Variants in CERKL observed in about 807,000 individuals in gnomAD.
CERKL encodes CERK like autophagy regulator, also known as ceramide kinase-like protein.
A neutral mutation model predicts 63.4 loss-of-function variants in CERKL; 61 were observed. The observed-to-expected ratio is 0.96, with a 90% confidence interval of 0.78 to 1.19. The LOEUF is 1.19. Ranked by LOEUF, CERKL falls within the 50% of genes most tolerant of loss-of-function variation. The pLI is 0.00. For synonymous variants in CERKL, 250 were observed against 230.5 expected, an observed-to-expected ratio of 1.08 and a Z score of -0.77; for missense variants, 675 against 655.5, an observed-to-expected ratio of 1.03 and a Z score of -0.33.
chr2:181,606,864 T>C (rs548539173), intron 1 of CERKL, among the ~76,000 whole-genome samples: 86 of 152,286 alleles, frequency 5.6e-4, no homozygotes, highest in Non-Finnish European at 1.0e-3. Flanking sequence ...TCTGTGTGTC[T>C]TTATAAAATG....
chr2:181,631,100 T>C (rs1686937231), intron 1 of CERKL, among the ~76,000 whole-genome samples: 1 of 152,130 alleles, frequency 6.6e-6, no homozygotes, highest in South Asian at 2.1e-4. Flanking sequence ...GGAGTACAAA[T>C]AAAGGTAACT....
intron 1 of CERKL, among the ~76,000 whole-genome samples, chr2:181,628,878 A>G (rs1686826482): frequency 6.6e-6 from 1 of 152,186 alleles, no homozygotes; most frequent in African/African-American, 2.4e-5. Flanking sequence ...CAGGATACAT[A>G]TAATTATGCT....
At chr2:181,621,764 A>C (rs1242170255) in intron 1 of CERKL, among the ~76,000 whole-genome samples, 1 of 152,234 alleles carries the variant, frequency 6.6e-6, no homozygotes, top group Non-Finnish European at 1.5e-5. Context: ...TGTAGCATGT[A>C]ATCAATGTAA....
At position 181,536,860 on chromosome 2, in the gene CERKL, C is replaced by T. The variant is rs11553355; in HGVS notation, c.*1324G>A. ...TCTGCCTTCATAAGAGAGCTGTGGC[C>T]GAATTTTGAACATCTGTTATAGGGA... is the stretch of plus-strand genomic sequence containing the variant. On this transcript the variant is annotated 3_prime_UTR_variant, in exon 13 of 13. Transcript: ENST00000410087. The T allele has an allele frequency of 0.018, 7,589 of 427,446 alleles. 98 individuals are homozygous for T. Among genetic ancestry groups the T allele is most frequent in the Non-Finnish European group, 0.028 (5,889 of 214,084 alleles). The allele number at this position is 427,446 out of a possible 1,614,324, so 26.5% of individuals were successfully genotyped here.
At chr2:181,575,531 C>G (rs1689096558) in intron 2 of CERKL, among the ~76,000 whole-genome samples, 1 of 152,044 alleles carries the variant, frequency 6.6e-6, no homozygotes, top group Non-Finnish European at 1.5e-5. Context: ...GTGGTTAATT[C>G]TTATTAGGGA....
At chr2:181,559,986 G>A (rs903097295) in intron 4 of CERKL, among the ~76,000 whole-genome samples, 8 of 152,216 alleles carry the variant, frequency 5.3e-5, no homozygotes, top group Non-Finnish European at 7.4e-5. Context: ...CCAGAGGTTC[G>A]CAATATGACC....
intron 11 of CERKL, among the ~76,000 whole-genome samples, chr2:181,541,596 AT>A (rs2105791815): frequency 6.6e-6 from 1 of 152,356 alleles, no homozygotes; most frequent in Non-Finnish European, 1.5e-5. Context: ...GAGAAATCCA[AT>A]GTGTGTCTTA....
intron 5 of CERKL, among the ~76,000 whole-genome samples, chr2:181,552,266 C>T (rs1416716551): frequency 6.6e-6 from 1 of 152,084 alleles, no homozygotes; most frequent in Non-Finnish European, 1.5e-5. Flanking sequence ...GGCTTTGTGT[C>T]CCTACCGAAA....
intron 1 of CERKL, among the ~76,000 whole-genome samples, chr2:181,648,417 G>C (rs73043025): frequency 0.042 from 6,357 of 151,956 alleles, 453 homozygotes; most frequent in African/African-American, 0.14. Context: ...AAAAAAAAAC[G>C]AGTCTCGGCC....
intron 11 of CERKL, among the ~76,000 whole-genome samples, chr2:181,541,919 A>C (rs1243793809): frequency 6.6e-6 from 1 of 152,206 alleles, no homozygotes; most frequent in Non-Finnish European, 1.5e-5. Flanking sequence ...GATGCCGGTG[A>C]ATTTCAGAAC....
intron 1 of CERKL, among the ~76,000 whole-genome samples, chr2:181,619,095 G>A: frequency 7.0e-6 from 1 of 143,016 alleles, no homozygotes; most frequent in Non-Finnish European, 1.5e-5. Context: ...CAATGTGATT[G>A]GCTTTCATCA....
chr2:181,550,073 A>AGGATCAACAGCAAAAG lies in CERKL; in HGVS notation c.821-366_821-365insCTTTTGCTGTTGATCC, dbSNP rs1204625837. ...GGTTTTTAGCTTCAATGCCAAAATG[A>AGGATCAACAGCAAAAG]GGTGCCTCTGGGGAGCAGTGACAAA... On this transcript the variant is annotated intron_variant, in intron 5 of 12. Coordinates refer to ENST00000410087, the MANE Select transcript of CERKL (RefSeq NM_201548.5). The surrounding 1 kb of genome is among the most constrained non-coding windows in gnomAD (Gnocchi z 4.5). Among the ~76,000 whole-genome samples, 37 of 152,272 alleles carry AGGATCAACAGCAAAAG rather than the reference A, an allele frequency of 2.4e-4. No individual in the cohort carries two copies. Among genetic ancestry groups the AGGATCAACAGCAAAAG allele is most frequent in the African/African-American group, 8.7e-4 (36 of 41,568 alleles).
intron 2 of CERKL, among the ~76,000 whole-genome samples, chr2:181,601,122 A>T (rs1245090391): frequency 6.6e-6 from 1 of 152,242 alleles, no homozygotes; most frequent in African/African-American, 2.4e-5. Flanking sequence ...AAATTAATGC[A>T]TAAATCAAAA....
chr2:181,656,966 T>G lies in CERKL; in HGVS notation c.41A>C (p.Glu14Ala), dbSNP rs372089851. ...RRRRNRVSAL[E>A]GGREEEAPPE... ...GGGCGCCTCTTCCTCCCGGCCGCCC[T>G]CCAGGGCACTCACCCGGTTCCTGCG... Residue 14 changes from glutamate (E) to alanine (A), a missense_variant, in exon 1 of 13, where the codon GAG (glutamate) becomes GCG (alanine). Transcript: ENST00000410087. The G allele has an allele frequency of 5.6e-5, 88 of 1,582,412 alleles. No homozygotes were observed. The African/African-American group carries it at 1.0e-3, about 18-fold the overall frequency.
chr2:181,552,352 G>C (rs965747421), intron 5 of CERKL, among the ~76,000 whole-genome samples: 1 of 152,108 alleles, frequency 6.6e-6, no homozygotes, highest in East Asian at 1.9e-4. Flanking sequence ...GAATCACGGG[G>C]GTGGTTTCCC....
At chr2:181,568,660 G>C (rs1233993236) in intron 3 of CERKL, among the ~76,000 whole-genome samples, 1 of 142,142 alleles carries the variant, frequency 7.0e-6, no homozygotes, top group Admixed American at 7.5e-5. Flanking sequence ...AATGCTCATT[G>C]GAGTATTTTC....
chr2:181,536,820 A>G lies in CERKL; in HGVS notation c.*1364T>C, dbSNP rs1687134688. The G allele has an allele frequency of 3.0e-6, 1 of 330,028 alleles. No homozygotes were observed. The highest frequency in any genetic ancestry group is 2.5e-5 in the South Asian group (1 of 39,548). 20.4% of individuals were successfully genotyped at this position (330,028 alleles called of 1,614,324 possible). On this transcript the variant is annotated 3_prime_UTR_variant, in exon 13 of 13. Coordinates refer to ENST00000410087, the MANE Select transcript of CERKL (RefSeq NM_201548.5). Reference sequence around the variant, plus strand: ...CTTATGATCTAGATAATTGCAGAATATCATTTTATCTGACTCTGCCTTCAT... The same window carrying G: ...CTTATGATCTAGATAATTGCAGAATGTCATTTTATCTGACTCTGCCTTCAT...
At chr2:181,566,028 T>C in intron 4 of CERKL, 30 bp downstream of exon 4, 1 of 1,399,618 alleles carries the variant, frequency 7.1e-7, no homozygotes. Flanking sequence ...ATAAATGATA[T>C]AACATATATT....
intron 1 of CERKL, among the ~76,000 whole-genome samples, chr2:181,647,125 G>A (rs1244165453): frequency 6.6e-6 from 1 of 152,180 alleles, no homozygotes; most frequent in Non-Finnish European, 1.5e-5. Flanking sequence ...TGAAGCTGAA[G>A]AGATGGGATG....
Sources: allele counts gnomAD v4.1 joint callset (sites outside exome capture counted in the v4.1 genomes callset), GRCh38; gene constraint gnomAD v4.1.1; non-coding constraint Gnocchi (gnomAD v3.1); transcripts MANE v1.5; gene names NCBI Gene and HGNC (gene_info 2026-07-23, HGNC 2026-07-21).